The following SOS1 variants were observed in gnomAD, a reference collection of about 807,000 sequenced individuals.
SOS1 encodes SOS Ras/Rac guanine nucleotide exchange factor 1.
In SOS1, 25 loss-of-function variants were observed where a neutral mutation model predicts 157.6. The ratio of observed to expected loss-of-function variants is 0.16; its 90% CI spans 0.12 to 0.22. The LOEUF is 0.22. SOS1 is among the 10% of genes least tolerant of loss of function. The pLI is 1.00. For missense variants in SOS1, 1,237 were observed against 1,599.1 expected, an observed-to-expected ratio of 0.77 and a Z score of 3.86; for synonymous variants, 528 against 534.0, an observed-to-expected ratio of 0.99 and a Z score of 0.16.
chr2:39,102,896 A>C (rs182807517), intron 1 of SOS1, among the ~76,000 whole-genome samples: 1 of 152,294 alleles, frequency 6.6e-6, no homozygotes, highest in East Asian at 1.9e-4. Flanking sequence ...TTGAGGCTAC[A>C]GTTAGCTGTG....
intron 22 of SOS1, 107 bp downstream of exon 22, chr2:38,987,366 A>G: frequency 1.4e-6 from 1 of 712,010 alleles, no homozygotes; most frequent in Non-Finnish European, 2.6e-6. Flanking sequence ...TTAAGCCTGT[A>G]TACTCTGAAA....
chr2:39,006,904 T>G (rs900217991), intron 16 of SOS1, 127 bp downstream of exon 16: 3 of 715,664 alleles, frequency 4.2e-6, no homozygotes, highest in Non-Finnish European at 7.3e-6. Flanking sequence ...CTTAGATAAT[T>G]CAGTCTTTTA....
At chr2:39,107,982 C>T (rs960732660) in intron 1 of SOS1, among the ~76,000 whole-genome samples, 2 of 152,162 alleles carry the variant, frequency 1.3e-5, no homozygotes, top group African/African-American at 4.8e-5. Context: ...CCTCCTATCA[C>T]AATTCTCTCA....
chr2:39,019,694 G>C (rs935843785), intron 10 of SOS1, among the ~76,000 whole-genome samples: 2 of 151,392 alleles, frequency 1.3e-5, no homozygotes, highest in African/African-American at 4.8e-5. Context: ...TTTCCCTTTA[G>C]TGAGCAAACT....
chr2:39,059,560 A>G (rs998303917), intron 2 of SOS1, among the ~76,000 whole-genome samples: 3 of 152,200 alleles, frequency 2.0e-5, no homozygotes, highest in Admixed American at 1.3e-4. Flanking sequence ...AGAGGTCGCT[A>G]TTACATAACT....
chr2:39,039,123 C>G (rs181148053), intron 6 of SOS1, among the ~76,000 whole-genome samples: 32 of 152,286 alleles, frequency 2.1e-4, no homozygotes, highest in African/African-American at 7.0e-4. Context: ...ATTTCTAAAT[C>G]TAGGTATATA....
At chr2:39,012,417 T>A in intron 13 of SOS1, 69 bp from the exon 14 acceptor site, 1 of 743,616 alleles carries the variant, frequency 1.3e-6, no homozygotes. Context: ...TTAAAAATGG[T>A]TTAAAGTCAC....
intron 1 of SOS1, among the ~76,000 whole-genome samples, chr2:39,073,551 G>C (rs574422150): frequency 2.0e-5 from 3 of 152,124 alleles, no homozygotes; most frequent in African/African-American, 4.8e-5. Flanking sequence ...GAAAACTCTT[G>C]AATTATAAAC....
intron 1 of SOS1, among the ~76,000 whole-genome samples, chr2:39,086,810 G>A (rs1031979787): frequency 3.3e-5 from 5 of 151,962 alleles, no homozygotes; most frequent in South Asian, 2.1e-4. Context: ...TCACAGTTGC[G>A]TTGTTGTTCT....
At chr2:39,010,419 C>G (rs545963874) in intron 15 of SOS1, among the ~76,000 whole-genome samples, 165 bp downstream of exon 15, 2 of 151,514 alleles carry the variant, frequency 1.3e-5, no homozygotes, top group Non-Finnish European at 2.9e-5. Flanking sequence ...GTGGGAGGAT[C>G]GCTTGAGCCT....
intron 15 of SOS1, among the ~76,000 whole-genome samples, chr2:39,009,360 A>C (rs1020705108): frequency 2.0e-5 from 3 of 152,188 alleles, no homozygotes; most frequent in Admixed American, 2.0e-4. Context: ...TTGCTAGCCC[A>C]CCCTCCAGAA....
intron 1 of SOS1, among the ~76,000 whole-genome samples, chr2:39,072,471 C>T (rs1174259052): frequency 2.0e-5 from 3 of 152,134 alleles, no homozygotes; most frequent in Admixed American, 1.3e-4. Flanking sequence ...AAAGCAGAAA[C>T]CATTCACAAC....
At chr2:38,989,431 G>A in intron 20 of SOS1, 117 bp from the exon 21 acceptor site, 3 of 714,326 alleles carry the variant, frequency 4.2e-6, no homozygotes, top group Non-Finnish European at 7.6e-6. Context: ...AAAGAATGCT[G>A]TAACAGTTTA....
At chr2:39,123,145 C>A (rs1673951375), upstream of SOS1, among the ~76,000 whole-genome samples, 1 of 152,166 alleles carries the variant, frequency 6.6e-6, no homozygotes, top group African/African-American at 2.4e-5. Flanking sequence ...CAGCCTAGAA[C>A]CCCTAACTGT....
At chr2:39,024,240 T>C in intron 8 of SOS1, 103 bp from the exon 9 acceptor site, 2 of 658,596 alleles carry the variant, frequency 3.0e-6, no homozygotes, top group Admixed American at 3.2e-5. Flanking sequence ...ACTGTCACAA[T>C]AAAAATTTTA....
intron 17 of SOS1, 51 bp downstream of exon 17, chr2:39,006,361 G>T: frequency 1.1e-6 from 1 of 869,812 alleles, no homozygotes; most frequent in Non-Finnish European, 2.0e-6. Context: ...AATGAAATGA[G>T]TGTTTTGTTT....
intron 2 of SOS1, among the ~76,000 whole-genome samples, chr2:39,064,078 C>A (rs765999435): frequency 1.1e-4 from 16 of 152,112 alleles, no homozygotes; most frequent in Non-Finnish European, 4.4e-5. Context: ...AGGCAATCTG[C>A]CCACGTTGCC....
intron 1 of SOS1, among the ~76,000 whole-genome samples, chr2:39,078,962 A>T (rs887348218): frequency 2.0e-5 from 3 of 146,844 alleles, no homozygotes; most frequent in African/African-American, 7.5e-5. Context: ...TGGGAGGCTG[A>T]GGCAGGAGAA....
chr2:39,081,691 G>A (rs1458129466), intron 1 of SOS1, among the ~76,000 whole-genome samples: 1 of 150,844 alleles, frequency 6.6e-6, no homozygotes, highest in African/African-American at 2.4e-5. Flanking sequence ...CAGGCTTGGC[G>A]GCGGGCGCCT....
Sources: gnomAD v4.1 joint callset for allele counts (sites outside exome capture counted in the v4.1 genomes callset) on GRCh38, gnomAD v4.1.1 for gene constraint, MANE v1.5 for transcripts, NCBI Gene and HGNC (gene_info 2026-07-23, HGNC 2026-07-21) for gene names.